The following FILIP1 variants were observed in gnomAD, a reference collection of about 807,000 sequenced individuals.
FILIP1 encodes the protein filamin-A-interacting protein 1.
FILIP1 carries 61 observed loss-of-function variants against 102.1 expected under a neutral mutation model. The ratio of observed to expected loss-of-function variants is 0.60; its 90% CI spans 0.49 to 0.74. The LOEUF (loss-of-function observed/expected upper bound fraction) is 0.74, where lower values mean the gene tolerates loss of function less well. FILIP1 is among the 30% of genes least tolerant of loss of function. The pLI is 0.00. For missense variants in FILIP1, 1,314 were observed against 1,441.2 expected, an observed-to-expected ratio of 0.91 and a Z score of 1.43; for synonymous variants, 491 against 526.9, an observed-to-expected ratio of 0.93 and a Z score of 0.93.
At chr6:75,304,162 T>C (rs1285859149), downstream of FILIP1, among the ~76,000 whole-genome samples, 1 of 152,164 alleles carries the variant, frequency 6.6e-6, no homozygotes, top group Non-Finnish European at 1.5e-5. Context: ...GAAGAGAGCA[T>C]AATCATAGTA....
At chr6:75,390,547 GGAGCAAGA>G (rs1776250623) in intron 2 of FILIP1, among the ~76,000 whole-genome samples, 3 of 152,116 alleles carry the variant, frequency 2.0e-5, no homozygotes, top group Non-Finnish European at 2.9e-5. Context: ...GGCAAAAGCA[GGAGCAAGA>G]GAGCAAGGCG....
chr6:75,342,238 T>C (rs1032864718), intron 4 of FILIP1, among the ~76,000 whole-genome samples: 3 of 152,152 alleles, frequency 2.0e-5, no homozygotes, highest in African/African-American at 4.8e-5. Context: ...AGAGAAGAAA[T>C]TGACTGCAGT....
chr6:75,450,126 G>A (rs1024003912), intron 1 of FILIP1, among the ~76,000 whole-genome samples: 2 of 151,880 alleles, frequency 1.3e-5, no homozygotes, highest in Admixed American at 1.3e-4. Flanking sequence ...ATTTTTTTTG[G>A]TAGAGATGGC....
chr6:75,473,117 C>A (rs986906314), intron 1 of FILIP1, among the ~76,000 whole-genome samples: 1 of 152,146 alleles, frequency 6.6e-6, no homozygotes, highest in Non-Finnish European at 1.5e-5. Flanking sequence ...TACTTTCAAA[C>A]TGACTAAATT....
At chr6:75,429,900 C>T (rs1180873019) in intron 1 of FILIP1, among the ~76,000 whole-genome samples, 1 of 152,196 alleles carries the variant, frequency 6.6e-6, no homozygotes, top group Non-Finnish European at 1.5e-5. Flanking sequence ...AGCACACCAG[C>T]ACCATGCTGG....
At chr6:75,378,801 G>A (rs959181650) in intron 2 of FILIP1, among the ~76,000 whole-genome samples, 1 of 152,140 alleles carries the variant, frequency 6.6e-6, no homozygotes, top group African/African-American at 2.4e-5. Flanking sequence ...TAATGAGAAA[G>A]AGTTTGGCCA....
chr6:75,315,649 A>G (rs987364143), intron 4 of FILIP1, among the ~76,000 whole-genome samples: 4 of 152,210 alleles, frequency 2.6e-5, no homozygotes. Flanking sequence ...GAGTAACCCT[A>G]TGAGATATGT....
At chr6:75,440,827 T>TA (rs1452714895) in intron 1 of FILIP1, among the ~76,000 whole-genome samples, 4 of 151,838 alleles carry the variant, frequency 2.6e-5, no homozygotes, top group African/African-American at 9.7e-5. Context: ...CACATGCCTG[T>TA]AATCCCAGCT....
chr6:75,400,633 G>T (rs759931021), intron 2 of FILIP1, among the ~76,000 whole-genome samples: 1 of 152,046 alleles, frequency 6.6e-6, no homozygotes, highest in Non-Finnish European at 1.5e-5. Context: ...CTAGAGAACC[G>T]CAGGAGCTTT....
At chr6:75,346,597 T>C (rs972549718) in intron 4 of FILIP1, among the ~76,000 whole-genome samples, 2 of 152,156 alleles carry the variant, frequency 1.3e-5, no homozygotes, top group African/African-American at 4.8e-5. Context: ...CCTATGTCTT[T>C]TAAAAGAAGT....
intron 1 of FILIP1, among the ~76,000 whole-genome samples, chr6:75,479,607 G>T (rs1403701070): frequency 6.6e-6 from 1 of 151,876 alleles, no homozygotes; most frequent in African/African-American, 2.4e-5. Flanking sequence ...GGTGGCTCAT[G>T]CCTGTAATCC....
chr6:75,296,559 A>T (rs1432573092), intron 6 of FILIP1: 1 of 148,818 alleles, frequency 6.7e-6, no homozygotes, highest in Non-Finnish European at 1.5e-5. Flanking sequence ...GGGTGGAGTG[A>T]CGCGATCTCG....
At chr6:75,382,994 T>C (rs1220820654) in intron 2 of FILIP1, among the ~76,000 whole-genome samples, 2 of 152,262 alleles carry the variant, frequency 1.3e-5, no homozygotes, top group Non-Finnish European at 2.9e-5. Context: ...TCTTCACCTA[T>C]GTTTTCATAT....
intron 1 of FILIP1, among the ~76,000 whole-genome samples, chr6:75,473,403 A>G (rs1355737525): frequency 6.6e-6 from 1 of 152,196 alleles, no homozygotes; most frequent in African/African-American, 2.4e-5. Context: ...TGATGTATCA[A>G]TGTTAACTTC....
intron 4 of FILIP1, among the ~76,000 whole-genome samples, chr6:75,343,744 G>C (rs943850882): frequency 1.3e-5 from 2 of 152,166 alleles, no homozygotes. Context: ...AGGCCACAAG[G>C]AAATAGAAAA....
At chr6:75,350,404 T>C (rs1325138360) in intron 4 of FILIP1, among the ~76,000 whole-genome samples, 2 of 142,736 alleles carry the variant, frequency 1.4e-5, no homozygotes, top group East Asian at 2.5e-4. Context: ...TTTAAAGTTT[T>C]TTTTTTTTTT....
At chr6:75,405,319 C>T (rs1178692610) in intron 2 of FILIP1, among the ~76,000 whole-genome samples, 1 of 152,122 alleles carries the variant, frequency 6.6e-6, no homozygotes, top group East Asian at 1.9e-4. Flanking sequence ...TAAAGGCCTA[C>T]TCTGTGCCAC....
At chr6:75,372,435 G>A (rs13216212) in intron 2 of FILIP1, among the ~76,000 whole-genome samples, 70 of 139,614 alleles carry the variant, frequency 5.0e-4, no homozygotes, top group Middle Eastern at 3.6e-3. Context: ...TGGCAAAAAA[G>A]AAAAAAAAAT....
chr6:75,309,090 TA>T (rs1423434265), intron 5 of FILIP1, among the ~76,000 whole-genome samples, 193 bp from the exon 6 acceptor site: 3 of 151,638 alleles, frequency 2.0e-5, no homozygotes, highest in Non-Finnish European at 4.4e-5. Flanking sequence ...TCCCTTCACT[TA>T]AAACAACTTT....
Sources: gnomAD v4.1 joint callset for allele counts (sites outside exome capture counted in the v4.1 genomes callset) on GRCh38, gnomAD v4.1.1 for gene constraint, MANE v1.5 for transcripts, NCBI Gene and HGNC (gene_info 2026-07-23, HGNC 2026-07-21) for gene names.